Variants in DST observed in about 807,000 individuals in gnomAD.
DST encodes the protein bullous pemphigoid antigen.
Under a neutral mutation model 875.2 loss-of-function variants are expected in DST, and 253 were observed. The ratio of observed to expected loss-of-function variants is 0.29; its 90% CI spans 0.26 to 0.32. The LOEUF (loss-of-function observed/expected upper bound fraction) is 0.32, where lower values mean the gene tolerates loss of function less well. Ranked by LOEUF, DST falls within the 10% of genes least tolerant of loss-of-function variation. The pLI is 1.00. For missense variants in DST, 8,287 were observed against 9,111.6 expected (o/e 0.91, Z 3.68); for synonymous variants, 3,124 against 3,197.1 (o/e 0.98, Z 0.77).
intron 4 of DST, among the ~76,000 whole-genome samples, chr6:56,797,356 G>C (rs61601344): frequency 0.23 from 34,970 of 151,978 alleles, 5,082 homozygotes; most frequent in African/African-American, 0.4. Context: ...AACCCTACAA[G>C]GGCCTCTATG....
At chr6:56,465,473 G>C (rs1440128641) in intron 99 of DST, among the ~76,000 whole-genome samples, 1 of 152,182 alleles carries the variant, frequency 6.6e-6, no homozygotes, top group Non-Finnish European at 1.5e-5. Flanking sequence ...CTTAAAAATT[G>C]ACAGAAGGAT....
At position 56,605,862 on chromosome 6, in the gene DST, C is replaced by T. The variant is rs780458010; in HGVS notation, c.8766G>A (p.Pro2922=). 88 of 1,612,294 alleles carry T rather than the reference C, an allele frequency of 5.5e-5. No homozygotes were observed. The highest frequency in any genetic ancestry group is 2.8e-4 in the Admixed American group (17 of 59,776). ...CAGATTCAGTGTCTTTAATGATAGG[C>T]GGCAATACATCCTTAAGTACCATCT... ...NHEMVLKDVL[P]PIIKDTESEK... is the part of the protein sequence containing the mutation. Residue 2922 remains proline, a synonymous_variant, in exon 40 of 104, where the codon CCG becomes CCA. Transcript: ENST00000680361.
At chr6:56,777,651 G>A (rs1305461050) in intron 4 of DST, among the ~76,000 whole-genome samples, 1 of 151,944 alleles carries the variant, frequency 6.6e-6, no homozygotes, top group Admixed American at 6.6e-5. Flanking sequence ...CACTAATGGG[G>A]TCTCTGTCAT....
intron 4 of DST, among the ~76,000 whole-genome samples, chr6:56,768,220 C>G (rs2099639305): frequency 6.6e-6 from 1 of 152,072 alleles, no homozygotes; most frequent in African/African-American, 2.4e-5. Flanking sequence ...AAAAATTATT[C>G]CAACCTAGAA....
chr6:56,595,444 A>G (rs1310224751), intron 47 of DST, among the ~76,000 whole-genome samples: 1 of 152,094 alleles, frequency 6.6e-6, no homozygotes. Context: ...GTTATTGTCT[A>G]CTGTAACATT....
Position 56,470,218 on chromosome 6 carries a change from T to C in DST, c.22386A>G (p.Gly7462=), listed in dbSNP as rs1224479804. Residue 7462 remains glycine (G), a synonymous_variant, in exon 96 of 104, where the codon GGA becomes GGG. Transcript: ENST00000680361. ...CTACAAATTCATAGTAGTCAATATA[T>C]CCATCGCCATCTCTGTCAAAGATGT... is the stretch of plus-strand genomic sequence containing the variant. ...VADIFDRDGD[G]YIDYYEFVAA... is the part of the protein sequence containing the mutation. 8.1e-6 allele frequency: 13 copies of C among 1,611,700 alleles called. No individual in the cohort carries two copies. The East Asian group carries it at 1.1e-4, about 14-fold the overall frequency.
chr6:56,486,692 C>T (rs766088623), intron 87 of DST, among the ~76,000 whole-genome samples: 4 of 152,060 alleles, frequency 2.6e-5, no homozygotes, highest in Non-Finnish European at 5.9e-5. Flanking sequence ...CATTAAGAAG[C>T]CTGTGTTTCA....
chr6:56,741,053 A>C (rs1457307245), intron 4 of DST, among the ~76,000 whole-genome samples: 1 of 152,206 alleles, frequency 6.6e-6, no homozygotes, highest in African/African-American at 2.4e-5. Context: ...TTCTTTTCTA[A>C]GTGAATAAAA....
chr6:56,888,456 G>T (rs1351282574), intron 3 of DST, among the ~76,000 whole-genome samples: 1 of 152,096 alleles, frequency 6.6e-6, no homozygotes, highest in Non-Finnish European at 1.5e-5. Flanking sequence ...TAAGAGCTTT[G>T]GATTTGCTAG....
intron 78 of DST, 24 bp downstream of exon 78, chr6:56,503,973 C>T (rs368996666): frequency 1.1e-5 from 17 of 1,541,486 alleles, no homozygotes; most frequent in African/African-American, 9.6e-5. Context: ...AGGGAGTCTT[C>T]GATAAATTAG....
chr6:56,620,895 A>G (rs1159551300), intron 36 of DST, among the ~76,000 whole-genome samples: 1 of 152,128 alleles, frequency 6.6e-6, no homozygotes, highest in Non-Finnish European at 1.5e-5. Flanking sequence ...TCAGCAGAAG[A>G]GGACAAAAAA....
rs2097349511 is a variant in DST, at chr6:56,553,232, T to C, written c.15560A>G (p.Asn5187Ser). The change falls in exon 61 of 104, where the codon AAC (asparagine) becomes AGC (serine). Residue 5187 changes from asparagine (N) to serine (S), a missense_variant. This residue lies in a region of DST where 1,513 missense variants were observed against 1,677.8 expected (regional missense o/e 0.90). Coordinates refer to ENST00000680361, the MANE Select transcript of DST (RefSeq NM_001374736.1). ...TLWPWIDKCQ[N>S]NLEEIKFCLD... ...GCAAAATTTTATTTCCTCCAGGTTG[T>C]TTTGGCATTTGTCTATCCATGGCCA... The C allele has an allele frequency of 1.9e-6, 3 of 1,613,792 alleles. No individual in the cohort carries two copies.
chr6:56,639,975 G>A lies in DST; in HGVS notation c.2573C>T (p.Ala858Val). The change falls in exon 19 of 104, where the codon GCT becomes GTT. Residue 858 changes from alanine to valine, a missense_variant. Physicochemically the swap from Ala to Val is moderately conservative, Grantham distance 64. Coordinates refer to ENST00000680361, the MANE Select transcript of DST (RefSeq NM_001374736.1). The part of the protein sequence containing the change: ...HLENHKNVHR[A>V]IEEFESSLKE... ...GAGACTAGATTCAAATTCTTCAATA[G>A]CTCTATGAACATTTTTATGATTTTC... 6.2e-7 allele frequency: 1 copy of A among 1,613,350 alleles called. No homozygotes were observed. Among genetic ancestry groups the A allele is most frequent in the Non-Finnish European group, 8.5e-7 (1 of 1,179,504 alleles).
At chr6:56,520,944 A>G (rs1403705690) in intron 69 of DST, among the ~76,000 whole-genome samples, 1 of 152,068 alleles carries the variant, frequency 6.6e-6, no homozygotes, top group East Asian at 1.9e-4. Context: ...AATATCGTCA[A>G]GTTTATAGGT....
chr6:56,482,535 G>T (rs2095435876), intron 89 of DST, 148 bp downstream of exon 89: 1 of 727,542 alleles, frequency 1.4e-6, no homozygotes, highest in East Asian at 2.9e-5. Flanking sequence ...GGTGGGAGAA[G>T]GATCAAGGCA....
rs1169622406 is a variant in DST, at chr6:56,468,966, T to C, written c.22569+16A>G. 3 of 1,570,584 alleles carry C rather than the reference T, an allele frequency of 1.9e-6. No individual in the cohort carries two copies. The highest frequency in any genetic ancestry group is 2.6e-6 in the Non-Finnish European group (3 of 1,155,700). ...AAATCATCAGGAACTTGAGAATACA[T>C]TCCACTGGTTTATACCTGATTTCCC... On this transcript the variant is annotated intron_variant, in intron 98 of 103. Coordinates refer to ENST00000680361, the MANE Select transcript of DST (RefSeq NM_001374736.1).
chr6:56,816,658 C>T (rs1332569498), intron 4 of DST, among the ~76,000 whole-genome samples: 2 of 152,116 alleles, frequency 1.3e-5, no homozygotes, highest in East Asian at 3.8e-4. Context: ...ATAGGAATCC[C>T]CTATCGCGTG....
intron 4 of DST, chr6:56,842,968 A>G: frequency 8.1e-7 from 1 of 1,229,946 alleles, no homozygotes; most frequent in South Asian, 3.3e-5. Context: ...CTCGTGCCCA[A>G]GGAGTGGTGG....
rs1025864818 is a variant in DST, at chr6:56,603,887, A to G, written c.10741T>C (p.Cys3581Arg). ...LCNDFPSHLE[C>R]TSGSKEMASG... ...GCCATCTCTTTAGACCCTGAAGTAC[A>G]TTCCAAATGGCTTGGGAAATCATTA... Residue 3581 changes from cysteine to arginine, a missense_variant, in exon 40 of 104, where the codon TGT (cysteine) becomes CGT (arginine). Cys to Arg is a radical substitution (Grantham distance 180). Around this residue, in one of 10 missense-constraint regions of DST, gnomAD observed 3,138 missense variants for 3,116.6 expected, o/e 1.01. Coordinates refer to ENST00000680361, the MANE Select transcript of DST (RefSeq NM_001374736.1). 1.1e-5 allele frequency: 18 copies of G among 1,611,794 alleles called. No individual in the cohort carries two copies. Among genetic ancestry groups the G allele is most frequent in the Non-Finnish European group, 1.4e-5 (17 of 1,178,790 alleles).
Sources: allele counts gnomAD v4.1 joint callset (sites outside exome capture counted in the v4.1 genomes callset), GRCh38; gene constraint gnomAD v4.1.1; regional missense constraint gnomAD v4.1.1; transcripts MANE v1.5; gene names NCBI Gene and HGNC (gene_info 2026-07-23, HGNC 2026-07-21).